LRIG2: variants seen among roughly 807,000 people sequenced by gnomAD.
The protein encoded by LRIG2 is leucine-rich repeats and immunoglobulin-like domains protein 2.
In LRIG2, 93 loss-of-function variants were observed where a neutral mutation model predicts 107.8. The ratio of observed to expected loss-of-function variants is 0.86; its 90% CI spans 0.73 to 1.03. LRIG2 has a LOEUF of 1.03. LRIG2 is among the 50% of genes least tolerant of loss of function. LRIG2 has a pLI of 0.00. For missense variants in LRIG2, 1,226 were observed against 1,296.0 expected, an observed-to-expected ratio of 0.95 and a Z score of 0.83; for synonymous variants, 471 against 470.6, an observed-to-expected ratio of 1.00 and a Z score of -0.01.
chr1:113,077,078 G>C (rs1425829310), intron 1 of LRIG2, among the ~76,000 whole-genome samples: 1 of 151,932 alleles, frequency 6.6e-6, no homozygotes, highest in East Asian at 1.9e-4. Flanking sequence ...AGATTATATA[G>C]ATTTAGCTTT....
intron 1 of LRIG2, among the ~76,000 whole-genome samples, chr1:113,087,723 C>T (rs1248551303): frequency 3.3e-5 from 5 of 152,116 alleles, no homozygotes; most frequent in Admixed American, 6.6e-5. Context: ...GGCATGCTTA[C>T]GGGGAACACG....
chr1:113,074,832 C>G (rs562238964), intron 1 of LRIG2, among the ~76,000 whole-genome samples: 2 of 144,516 alleles, frequency 1.4e-5, no homozygotes, highest in South Asian at 4.6e-4. Flanking sequence ...TCGCTTGAAC[C>G]CGGGAGGTGG....
chr1:113,113,889 A>C (rs1415311194), intron 14 of LRIG2, among the ~76,000 whole-genome samples: 1 of 152,124 alleles, frequency 6.6e-6, no homozygotes, highest in Non-Finnish European at 1.5e-5. Context: ...GAGGAAAGTC[A>C]CTCAAATACT....
chr1:113,095,435 A>T (rs1654014454), intron 6 of LRIG2, among the ~76,000 whole-genome samples: 2 of 151,650 alleles, frequency 1.3e-5, no homozygotes, highest in South Asian at 2.1e-4. Flanking sequence ...GTTGAGATAG[A>T]GTCTTGCTCT....
At chr1:113,082,538 G>A (rs1448842012) in intron 1 of LRIG2, among the ~76,000 whole-genome samples, 1 of 152,216 alleles carries the variant, frequency 6.6e-6, no homozygotes, top group Admixed American at 6.5e-5. Flanking sequence ...GCTTTTACTC[G>A]TGGCCAAAGG....
chr1:113,073,396 C>A lies in LRIG2; in HGVS notation c.-11C>A, dbSNP rs773501450. The A allele has an allele frequency of 2.5e-6, 4 of 1,610,130 alleles. No individual in the cohort carries two copies. Among genetic ancestry groups the A allele is most frequent in the Non-Finnish European group, 3.4e-6 (4 of 1,176,886 alleles). Reference sequence around the variant, plus strand: ...CAGCTCTTCTAGGCCACGTCCAGGTCGAGGGGGAAAATGGCGCCGGCGCCC... The same window carrying A: ...CAGCTCTTCTAGGCCACGTCCAGGTAGAGGGGGAAAATGGCGCCGGCGCCC... On this transcript the variant is annotated 5_prime_UTR_variant, in exon 1 of 18. Coordinates refer to ENST00000361127, the MANE Select transcript of LRIG2 (RefSeq NM_014813.3).
rs1230523517 is a variant in LRIG2 at position 113,124,129 on chromosome 1, G to C, written c.*28G>C. 6.3e-7 allele frequency: 1 copy of C among 1,594,190 alleles called. No individual in the cohort carries two copies. The highest frequency in any genetic ancestry group is 8.6e-7 in the Non-Finnish European group (1 of 1,162,640). ...CTCACTTCAGGATGAAATCTGGGCA[G>C]AGACTTATTAATTAATTTTGCATTT... On this transcript the variant is annotated 3_prime_UTR_variant, in exon 18 of 18. Coordinates refer to ENST00000361127, the MANE Select transcript of LRIG2 (RefSeq NM_014813.3).
intron 16 of LRIG2, among the ~76,000 whole-genome samples, chr1:113,118,927 G>GGATCCC (rs1249993051): frequency 6.6e-6 from 1 of 152,174 alleles, no homozygotes; most frequent in Non-Finnish European, 1.5e-5. Context: ...GCCTCCCAAA[G>GGATCCC]TGCTGGGATT....
At chr1:113,094,838 C>T (rs2101036548) in intron 6 of LRIG2, 83 bp downstream of exon 6, 1 of 1,342,032 alleles carries the variant, frequency 7.5e-7, no homozygotes, top group Non-Finnish European at 1.0e-6. Flanking sequence ...GGTAGTTGTT[C>T]TGATTATAGA....
intron 13 of LRIG2, 67 bp downstream of exon 13, chr1:113,110,629 T>G: frequency 2.6e-6 from 3 of 1,155,040 alleles, no homozygotes; most frequent in African/African-American, 1.5e-5. Context: ...TTTGAATCAC[T>G]TGAGAGAATT....
chr1:113,124,437 C>G lies in LRIG2; in HGVS notation c.*336C>G, dbSNP rs902019185. 2 of 342,018 alleles carry G rather than the reference C, an allele frequency of 5.8e-6. No individual in the cohort carries two copies. The highest frequency in any genetic ancestry group is 1.1e-5 in the Non-Finnish European group (2 of 180,588). 21.2% of individuals were successfully genotyped at this position (342,018 alleles called of 1,614,324 possible). A position where few individuals can be genotyped will look rare whatever the true frequency, so the allele number is the denominator to read the frequency against. On this transcript the variant is annotated 3_prime_UTR_variant, in exon 18 of 18. Transcript: ENST00000361127. The stretch of plus-strand genomic sequence containing the variant: ...CATTGCTGCTTAACATGCTGGATTG[C>G]CCTAGTCTTCAGAATGGTCCTGAGA...
intron 1 of LRIG2, among the ~76,000 whole-genome samples, chr1:113,076,354 A>G (rs963169405): frequency 6.6e-6 from 1 of 152,188 alleles, no homozygotes; most frequent in Non-Finnish European, 1.5e-5. Flanking sequence ...AAACATTTAG[A>G]AGTAATTTTA....
intron 17 of LRIG2, among the ~76,000 whole-genome samples, chr1:113,120,691 G>A (rs1365515083): frequency 6.8e-6 from 1 of 147,414 alleles, no homozygotes; most frequent in Non-Finnish European, 1.5e-5. Context: ...TCTATTTTTA[G>A]TAGAGATGGG....
chr1:113,094,159 A>T (rs549714931), intron 4 of LRIG2, among the ~76,000 whole-genome samples, 180 bp from the exon 5 acceptor site: 54 of 152,356 alleles, frequency 3.5e-4, no homozygotes, highest in Non-Finnish European at 6.2e-4. Context: ...AACCTAAATG[A>T]AGTAGGTAGC....
rs761081245 is a variant in LRIG2, at chr1:113,124,124, G to A, written c.*23G>A. On this transcript the variant is annotated 3_prime_UTR_variant, in exon 18 of 18. Transcript: ENST00000361127. Reference sequence around the variant, plus strand: ...TGAAACTCACTTCAGGATGAAATCTGGGCAGAGACTTATTAATTAATTTTG... The same window carrying A: ...TGAAACTCACTTCAGGATGAAATCTAGGCAGAGACTTATTAATTAATTTTG... 5 of 1,597,952 alleles carry A rather than the reference G, an allele frequency of 3.1e-6. No homozygotes were observed. In the East Asian group the frequency reaches 6.7e-5, roughly 21 times the overall value.
At position 113,119,247 on chromosome 1, in the gene LRIG2, C is replaced by CG; in HGVS notation, c.2698dup (p.Val900GlyfsTer8). On this transcript the variant is annotated frameshift_variant, in exon 17 of 18. Coordinates refer to ENST00000361127, the MANE Select transcript of LRIG2 (RefSeq NM_014813.3). LOFTEE classifies it high-confidence loss of function. ...CTTGTTATTAGGTGGCACTGGTACC[C>CG]GGGTGATTTGCTCAGATTGTTATGA... 1 of 1,610,112 alleles carries CG rather than the reference C, an allele frequency of 6.2e-7. No individual in the cohort carries two copies. The highest frequency in any genetic ancestry group is 8.5e-7 in the Non-Finnish European group (1 of 1,176,634).
At chr1:113,075,008 G>T (rs925372848) in intron 1 of LRIG2, among the ~76,000 whole-genome samples, 1 of 151,220 alleles carries the variant, frequency 6.6e-6, no homozygotes, top group African/African-American at 2.4e-5. Context: ...ACCTAAGGTT[G>T]GGAGTTCGAG....
intron 1 of LRIG2, among the ~76,000 whole-genome samples, chr1:113,076,527 T>G (rs1557893338): frequency 6.6e-6 from 1 of 152,212 alleles, no homozygotes; most frequent in Non-Finnish European, 1.5e-5. Flanking sequence ...TGTAATTGGA[T>G]GGAAGTCTTA....
intron 12 of LRIG2, among the ~76,000 whole-genome samples, chr1:113,109,716 G>A (rs772583859): frequency 5.3e-5 from 8 of 152,084 alleles, no homozygotes; most frequent in East Asian, 3.9e-4. Flanking sequence ...ACGGGGTTTC[G>A]CCGTGTTGGT....
Sources: gnomAD v4.1 joint callset for allele counts (sites outside exome capture counted in the v4.1 genomes callset) on GRCh38, gnomAD v4.1.1 for gene constraint, MANE v1.5 for transcripts, NCBI Gene and HGNC (gene_info 2026-07-23, HGNC 2026-07-21) for gene names.